Variants in CNTNAP2 observed in about 807,000 individuals in gnomAD.
The protein encoded by CNTNAP2 is contactin-associated protein-like 2.
Under a neutral mutation model 155.2 loss-of-function variants are expected in CNTNAP2, and 98 were observed. That is an observed-to-expected ratio of 0.63 (90% CI 0.54 to 0.75). The LOEUF is 0.75. CNTNAP2 is among the 30% of genes least tolerant of loss of function. The probability of loss-of-function intolerance (pLI) is 0.00; values close to 1 mark genes in which losing one functional copy is unlikely to be tolerated. For missense variants in CNTNAP2, 1,727 were observed against 1,688.1 expected (o/e 1.02, Z -0.40); for synonymous variants, 651 against 631.2 (o/e 1.03, Z -0.47).
chr7:147,047,824 TC>T (rs1343633086), intron 4 of CNTNAP2, among the ~76,000 whole-genome samples: 1 of 152,190 alleles, frequency 6.6e-6, no homozygotes, highest in African/African-American at 2.4e-5. Context: ...GCGAGACTTT[TC>T]CACTGTATAA....
chr7:148,270,558 AGCAAGT>A (rs1796755838), intron 21 of CNTNAP2, among the ~76,000 whole-genome samples: 2 of 152,242 alleles, frequency 1.3e-5, no homozygotes, highest in African/African-American at 4.8e-5. Flanking sequence ...ACTAACAAGG[AGCAAGT>A]GCTCAATAAA....
At chr7:147,133,746 A>G (rs1432342299) in intron 8 of CNTNAP2, among the ~76,000 whole-genome samples, 6 of 152,050 alleles carry the variant, frequency 3.9e-5, no homozygotes, top group African/African-American at 7.2e-5. Flanking sequence ...TGTATGGTCT[A>G]TTACTGAAAA....
chr7:146,920,972 G>T (rs1251790095), intron 3 of CNTNAP2, among the ~76,000 whole-genome samples: 2 of 152,248 alleles, frequency 1.3e-5, no homozygotes, highest in East Asian at 1.9e-4. Flanking sequence ...ATAATAAATG[G>T]TAGGGCATAT....
intron 14 of CNTNAP2, among the ~76,000 whole-genome samples, chr7:147,918,439 TAGTG>T (rs1800199761): frequency 6.6e-6 from 1 of 152,164 alleles, no homozygotes; most frequent in Non-Finnish European, 1.5e-5. Flanking sequence ...TTATATTCAA[TAGTG>T]AGGTAAATCA....
chr7:147,495,794 C>T (rs963637769), intron 11 of CNTNAP2, among the ~76,000 whole-genome samples: 1 of 152,124 alleles, frequency 6.6e-6, no homozygotes, highest in South Asian at 2.1e-4. Flanking sequence ...ACAGGAGTCC[C>T]CAATCCCCAC....
chr7:147,592,931 C>T (rs534664396), intron 12 of CNTNAP2, among the ~76,000 whole-genome samples: 1 of 152,188 alleles, frequency 6.6e-6, no homozygotes, highest in Non-Finnish European at 1.5e-5. Context: ...AGGTGACAGT[C>T]CTCCCCACTG....
chr7:147,753,634 C>G (rs1039194059), intron 13 of CNTNAP2, among the ~76,000 whole-genome samples: 2 of 151,968 alleles, frequency 1.3e-5, no homozygotes, highest in African/African-American at 4.8e-5. Flanking sequence ...TAAAACAGAT[C>G]AAAAAGCATG....
chr7:147,045,721 G>A (rs951866263), intron 4 of CNTNAP2, among the ~76,000 whole-genome samples: 1 of 152,100 alleles, frequency 6.6e-6, no homozygotes, highest in Non-Finnish European at 1.5e-5. Context: ...ATAGCATCAT[G>A]ACGGGAAGGC....
chr7:147,523,778 C>G (rs1799269943), intron 11 of CNTNAP2, among the ~76,000 whole-genome samples: 1 of 152,174 alleles, frequency 6.6e-6, no homozygotes. Flanking sequence ...ATGCCTAGTT[C>G]ACAGCACAGA....
intron 16 of CNTNAP2, among the ~76,000 whole-genome samples, chr7:148,121,640 C>A (rs897445555): frequency 6.6e-6 from 1 of 152,152 alleles, no homozygotes; most frequent in Non-Finnish European, 1.5e-5. Flanking sequence ...CTACATATTG[C>A]TTTCCAGAAT....
intron 8 of CNTNAP2, among the ~76,000 whole-genome samples, chr7:147,199,329 C>A (rs1197766659): frequency 2.0e-5 from 3 of 151,942 alleles, no homozygotes; most frequent in Non-Finnish European, 4.4e-5. Context: ...AGTCTAAGGG[C>A]TATTAATTGA....
At chr7:147,664,801 G>A (rs751436479) in intron 13 of CNTNAP2, among the ~76,000 whole-genome samples, 7 of 152,036 alleles carry the variant, frequency 4.6e-5, no homozygotes, top group Non-Finnish European at 8.8e-5. Flanking sequence ...CTCTTGCTAC[G>A]TGGCTAGAAG....
intron 5 of CNTNAP2, among the ~76,000 whole-genome samples, chr7:147,112,867 C>T (rs1800909877): frequency 6.6e-6 from 1 of 151,820 alleles, no homozygotes; most frequent in Non-Finnish European, 1.5e-5. Context: ...TGTATATCCA[C>T]CAGGTTTTGG....
At position 148,118,305 on chromosome 7, in the gene CNTNAP2, T is replaced by C; in HGVS notation, c.2554+17T>C. 2 of 1,613,806 alleles carry C rather than the reference T, an allele frequency of 1.2e-6. No individual in the cohort carries two copies. The highest frequency in any genetic ancestry group is 1.1e-5 in the South Asian group (1 of 91,072). ...AGCTGAAGTGTGAGTATAAGTTGCT[T>C]GTCAACTCATGGGGAGCCACTTTCG... On this transcript the variant is annotated intron_variant, in intron 16 of 23. Coordinates refer to ENST00000361727, the MANE Select transcript of CNTNAP2 (RefSeq NM_014141.6).
intron 1 of CNTNAP2, among the ~76,000 whole-genome samples, chr7:146,368,505 C>A (rs1217629863): frequency 6.6e-6 from 1 of 152,094 alleles, no homozygotes; most frequent in Non-Finnish European, 1.5e-5. Flanking sequence ...CCCTTTGATA[C>A]TGATCAAATC....
intron 1 of CNTNAP2, among the ~76,000 whole-genome samples, chr7:146,364,601 A>C (rs1272531461): frequency 6.6e-6 from 1 of 152,194 alleles, no homozygotes; most frequent in African/African-American, 2.4e-5. Flanking sequence ...TTTTCAAGAG[A>C]GAAAAAAATA....
At chr7:146,546,716 A>G (rs2129141934) in intron 1 of CNTNAP2, among the ~76,000 whole-genome samples, 1 of 152,024 alleles carries the variant, frequency 6.6e-6, no homozygotes, top group Non-Finnish European at 1.5e-5. Flanking sequence ...CAATCATGGT[A>G]GAAGGTGAAG....
chr7:148,324,131 C>T (rs1447604374), intron 21 of CNTNAP2, among the ~76,000 whole-genome samples: 1 of 152,044 alleles, frequency 6.6e-6, no homozygotes, highest in East Asian at 1.9e-4. Context: ...GTGATCCACC[C>T]ACTTCGGCCC....
chr7:147,527,448 G>A (rs1466416462), intron 11 of CNTNAP2, among the ~76,000 whole-genome samples: 2 of 152,174 alleles, frequency 1.3e-5, no homozygotes, highest in Non-Finnish European at 2.9e-5. Flanking sequence ...AGTCCTCTCA[G>A]TATGCGCAGC....
Sources: gnomAD v4.1 joint callset for allele counts (sites outside exome capture counted in the v4.1 genomes callset) on GRCh38, gnomAD v4.1.1 for gene constraint, MANE v1.5 for transcripts, NCBI Gene and HGNC (gene_info 2026-07-23, HGNC 2026-07-21) for gene names.